TRIOBP: variants seen among roughly 807,000 people sequenced by gnomAD.
TRIOBP encodes TRIO and F-actin binding protein, also known as TRIO and F-actin-binding protein.
TRIOBP carries 169 observed loss-of-function variants against 238.8 expected under a neutral mutation model. That is an observed-to-expected ratio of 0.71 (90% CI 0.62 to 0.80). The LOEUF is 0.80. Among genes scored for constraint, TRIOBP ranks in the 30% least tolerant of loss-of-function variants. The pLI, the probability that TRIOBP is intolerant of heterozygous loss-of-function variation, is 0.00. For synonymous variants in TRIOBP, 1,150 were observed against 1,274.4 expected (o/e 0.90, Z 2.08); for missense variants, 2,838 against 3,122.6 (o/e 0.91, Z 2.17).
Position 37,738,555 on chromosome 22 carries a change from G to C in TRIOBP, c.5107-87G>C, listed in dbSNP as rs1243935138. 5 of 1,307,480 alleles carry C rather than the reference G, an allele frequency of 3.8e-6. No individual in the cohort carries two copies. The African/African-American group carries it at 7.3e-5, about 19-fold the overall frequency. The allele number at this position is 1,307,480 out of a possible 1,614,324, so 81.0% of individuals were successfully genotyped here. ...ACGTTAGATGGGTGTTGCATGGACA[G>C]ATGATAGAATGGATGGATGAGGTGG... On this transcript the variant is annotated intron_variant, in intron 9 of 23. Coordinates refer to ENST00000644935, the MANE Select transcript of TRIOBP (RefSeq NM_001039141.3).
rs778423217 is a variant in TRIOBP at position 37,713,380 on chromosome 22, C to T, written c.425C>T (p.Thr142Ile). ...SDPTSSPDSA[T>I]PDDTSNSSSV... ...CCCACCTCCAGCCCTGACTCCGCCACCCCTGATGATACCAGCAACTCGTCC... is the reference window on the plus strand; with the variant it reads ...CCCACCTCCAGCCCTGACTCCGCCATCCCTGATGATACCAGCAACTCGTCC... The change falls in exon 5 of 24, where the codon ACC (threonine) becomes ATC (isoleucine). Residue 142 changes from threonine to isoleucine, a missense_variant. By Grantham distance (89) the Thr-to-Ile change is moderately conservative. Around this residue, in one of 5 missense-constraint regions of TRIOBP, gnomAD observed 535 missense variants for 537.3 expected, o/e 1.00. Coordinates refer to ENST00000644935, the MANE Select transcript of TRIOBP (RefSeq NM_001039141.3). 11 of 1,613,784 alleles carry T rather than the reference C, an allele frequency of 6.8e-6. 1 individual carries two copies. The South Asian group carries it at 9.9e-5, about 14-fold the overall frequency.
intron 21 of TRIOBP, among the ~76,000 whole-genome samples, chr22:37,770,823 C>T (rs549136011): frequency 6.6e-6 from 1 of 152,078 alleles, no homozygotes; most frequent in Non-Finnish European, 1.5e-5. Context: ...GCTGGGACTA[C>T]AGGCACCCGC....
intron 11 of TRIOBP, among the ~76,000 whole-genome samples, chr22:37,745,570 T>A (rs1165880849): frequency 2.0e-5 from 3 of 152,146 alleles, no homozygotes; most frequent in Admixed American, 2.0e-4. Flanking sequence ...AAAAGACCCA[T>A]TTGTGAGGAG....
intron 11 of TRIOBP, among the ~76,000 whole-genome samples, chr22:37,749,622 C>T (rs1047252888): frequency 2.6e-5 from 4 of 151,912 alleles, no homozygotes; most frequent in African/African-American, 9.7e-5. Context: ...CCTTTTGACC[C>T]TGGGGACAGG....
intron 17 of TRIOBP, among the ~76,000 whole-genome samples, chr22:37,765,068 G>A (rs568531839): frequency 6.6e-6 from 1 of 152,302 alleles, no homozygotes; most frequent in East Asian, 1.9e-4. Context: ...AGATCACAAG[G>A]TCAGAAGTTC....
intron 6 of TRIOBP, among the ~76,000 whole-genome samples, chr22:37,720,691 T>G (rs1021168111): frequency 6.6e-6 from 1 of 152,040 alleles, no homozygotes; most frequent in Non-Finnish European, 1.5e-5. Flanking sequence ...TATTTTATTT[T>G]TCGTAGAGAT....
At chr22:37,767,930 T>G in intron 18 of TRIOBP, 144 bp from the exon 19 acceptor site, 2 of 732,782 alleles carry the variant, frequency 2.7e-6, no homozygotes, top group Non-Finnish European at 4.9e-6. Flanking sequence ...ATAGCACTCC[T>G]TGGTCCAAGT....
At chr22:37,762,699 G>C (rs1195460020) in intron 17 of TRIOBP, among the ~76,000 whole-genome samples, 1 of 152,168 alleles carries the variant, frequency 6.6e-6, no homozygotes, top group Non-Finnish European at 1.5e-5. Context: ...CCCCAGATGC[G>C]GAAGGCAGCA....
Position 37,724,996 on chromosome 22 carries a change from A to T in TRIOBP, c.2440A>T (p.Asn814Tyr). The change falls in exon 7 of 24, where the codon AAC becomes TAC. Residue 814 changes from asparagine (N) to tyrosine (Y), a missense_variant. Physicochemically the swap from Asn to Tyr is moderately radical, Grantham distance 143. Transcript: ENST00000644935. ...TCCCATCAGAGCCACCCAACAGGAC[A>T]ACCCCAGAACTTGTATTCAACAGAA... ...SSPIRATQQD[N>Y]PRTCIQQNIP... 1 of 1,614,078 alleles carries T rather than the reference A, an allele frequency of 6.2e-7. No homozygotes were observed. Among genetic ancestry groups the T allele is most frequent in the Non-Finnish European group, 8.5e-7 (1 of 1,179,930 alleles).
At chr22:37,721,724 T>C (rs1923840688) in intron 6 of TRIOBP, among the ~76,000 whole-genome samples, 1 of 151,980 alleles carries the variant, frequency 6.6e-6, no homozygotes. Flanking sequence ...CGAGTGATCC[T>C]CCCACCTTGG....
rs377431934 is a variant in TRIOBP, at chr22:37,769,340, G to A, written c.6814G>A (p.Gly2272Arg). ...CTCGCAGGGCATGGGCAATGGCTGC[G>A]GGCGCAGCAACGAGCGGAGTTCCTG... Reference protein sequence around the residue: ...IASQGMGNGCGRSNERSSCEL... With the variant: ...IASQGMGNGCRRSNERSSCEL... Residue 2272 changes from glycine (G) to arginine (R), a missense_variant, in exon 21 of 24, where the codon GGG becomes AGG. By Grantham distance (125) the Gly-to-Arg change is moderately radical. Around this residue, in one of 5 missense-constraint regions of TRIOBP, gnomAD observed 2,096 missense variants for 2,137.4 expected, o/e 0.98. Transcript: ENST00000644935. The A allele has an allele frequency of 6.6e-5, 106 of 1,610,434 alleles. No individual in the cohort carries two copies. The highest frequency in any genetic ancestry group is 8.8e-5 in the South Asian group (8 of 90,690).
chr22:37,747,266 C>T (rs938720790), intron 11 of TRIOBP, among the ~76,000 whole-genome samples: 2 of 152,224 alleles, frequency 1.3e-5, no homozygotes, highest in African/African-American at 4.8e-5. Context: ...GCTCCTTTCC[C>T]TGTCCTTCTG....
chr22:37,736,788 C>T (rs150236432), intron 9 of TRIOBP, among the ~76,000 whole-genome samples: 1,814 of 152,224 alleles, frequency 0.012, 42 homozygotes, highest in African/African-American at 0.042. Flanking sequence ...CCACCATGCC[C>T]GGCTAATTTT....
rs776741818 is a variant in TRIOBP, at chr22:37,758,069, C to T, written c.6144C>T (p.Ala2048=). Residue 2048 remains alanine, a synonymous_variant, in exon 16 of 24, where the codon GCC becomes GCT. Coordinates refer to ENST00000644935, the MANE Select transcript of TRIOBP (RefSeq NM_001039141.3). ...AGAATAAGCGGGTGCCCCTCACTGC[C>T]CTGCTCAACCAAAGCCGCGGAGAGC... is the stretch of plus-strand genomic sequence containing the variant. The part of the protein sequence containing the change: ...LRENKRVPLT[A]LLNQSRGERR... 9 of 1,611,610 alleles carry T rather than the reference C, an allele frequency of 5.6e-6. No homozygotes were observed. The East Asian group carries it at 2.0e-4, about 36-fold the overall frequency.
At chr22:37,760,049 C>CAT (rs56206045) in intron 17 of TRIOBP, 157,773 of 162,924 alleles carry the variant, frequency 0.97, 76,433 homozygotes, top group East Asian at 1. Context: ...GTTGTTCTAA[C>CAT]GTGTGCTGGT....
At chr22:37,727,202 C>T (rs540149087) in intron 7 of TRIOBP, among the ~76,000 whole-genome samples, 4 of 151,294 alleles carry the variant, frequency 2.6e-5, no homozygotes, top group South Asian at 4.2e-4. Context: ...AGCCACCGTG[C>T]CCGGCCAAAA....
At chr22:37,740,753 G>A (rs1227256975) in intron 10 of TRIOBP, 142 bp from the exon 11 acceptor site, 39 of 1,252,546 alleles carry the variant, frequency 3.1e-5, no homozygotes, top group East Asian at 7.6e-5. Context: ...AGCTCGTCTC[G>A]GCAGTTCTGG....
Position 37,776,377 on chromosome 22 carries a change from C to A in TRIOBP, c.*2597C>A, listed in dbSNP as rs1329654481. ...GCACCCACGGCAGGAAACTGACCAG[C>A]TTCTCATCAAGTTAAATACGCATCT... On this transcript the variant is annotated 3_prime_UTR_variant, in exon 24 of 24. Coordinates refer to ENST00000644935, the MANE Select transcript of TRIOBP (RefSeq NM_001039141.3). 1 of 152,202 alleles carries A rather than the reference C, an allele frequency of 6.6e-6. No individual in the cohort carries two copies. Among genetic ancestry groups the A allele is most frequent in the Admixed American group, 6.5e-5 (1 of 15,272 alleles). 9.4% of individuals were successfully genotyped at this position (152,202 alleles called of 1,614,324 possible).
chr22:37,750,019 A>G (rs1925499099), intron 11 of TRIOBP, among the ~76,000 whole-genome samples: 1 of 152,168 alleles, frequency 6.6e-6, no homozygotes, highest in Admixed American at 6.5e-5. Flanking sequence ...CGTGCCTGAC[A>G]TGGTATGTGA....
Sources: gnomAD v4.1 joint callset for allele counts (sites outside exome capture counted in the v4.1 genomes callset) on GRCh38, gnomAD v4.1.1 for gene constraint, gnomAD v4.1.1 regional missense constraint, MANE v1.5 for transcripts, NCBI Gene and HGNC (gene_info 2026-07-23, HGNC 2026-07-21) for gene names.